The following GLT8D1 variants were observed in gnomAD, a reference collection of about 807,000 sequenced individuals.
GLT8D1 encodes the protein glycosyltransferase 8 domain-containing protein 1.
A neutral mutation model predicts 46.2 loss-of-function variants in GLT8D1; 41 were observed. The observed-to-expected ratio is 0.89, with a 90% CI of 0.69 to 1.15. The LOEUF (loss-of-function observed/expected upper bound fraction) is 1.15. Ranked by LOEUF, GLT8D1 falls within the 50% of genes most tolerant of loss-of-function variation. GLT8D1 has a pLI of 0.00. For synonymous variants in GLT8D1, 150 were observed against 154.2 expected, an observed-to-expected ratio of 0.97 and a Z score of 0.20; for missense variants, 408 against 449.3, an observed-to-expected ratio of 0.91 and a Z score of 0.83.
Position 52,700,506 on chromosome 3 carries a change from A to G in GLT8D1, c.-36-10T>C. The G allele has an allele frequency of 2.9e-6, 4 of 1,380,340 alleles. No homozygotes were observed. The East Asian group carries it at 6.9e-5, about 24-fold the overall frequency. The allele number at this position is 1,380,340 out of a possible 1,614,324, so 85.5% of individuals were successfully genotyped here. A position where few individuals can be genotyped will look rare whatever the true frequency, so the allele number is the denominator to read the frequency against. On this transcript the variant is annotated splice_polypyrimidine_tract_variant and intron_variant, in intron 1 of 9. Coordinates refer to ENST00000266014, the MANE Select transcript of GLT8D1 (RefSeq NM_018446.4). Reference sequence around the variant, plus strand: ...ATATTAGTTTTTAACCCTACAAAACAAAAACAAGCCCCCAAAGTCAGTAAG... The same window carrying G: ...ATATTAGTTTTTAACCCTACAAAACGAAAACAAGCCCCCAAAGTCAGTAAG...
At chr3:52,702,762 G>A (rs773803436) in intron 1 of GLT8D1, among the ~76,000 whole-genome samples, 3 of 151,678 alleles carry the variant, frequency 2.0e-5, no homozygotes, top group Admixed American at 6.6e-5. Flanking sequence ...ACAAATTAGG[G>A]GGAAAATACA....
intron 4 of GLT8D1, 134 bp downstream of exon 4, chr3:52,697,572 AAAAAAAATATGTCAT>A (rs1412716855): frequency 1.2e-5 from 8 of 643,190 alleles, no homozygotes; most frequent in Middle Eastern, 8.6e-4. Context: ...ATACAGTCCT[AAAAAAAATATGTCAT>A]TTGTACAGTT....
At chr3:52,699,430 G>A (rs530909460) in intron 3 of GLT8D1, among the ~76,000 whole-genome samples, 121 of 152,078 alleles carry the variant, frequency 8.0e-4, no homozygotes, top group African/African-American at 2.7e-3. Flanking sequence ...GACTACAGGC[G>A]CATACCACCA....
At chr3:52,703,893 G>A (rs781509136) in intron 1 of GLT8D1, 2 of 152,144 alleles carry the variant, frequency 1.3e-5, no homozygotes, top group Non-Finnish European at 2.9e-5. Context: ...TGGTTAGAAG[G>A]AATTCTCAAA....
chr3:52,697,981 GAT>G (rs772390286), intron 3 of GLT8D1, 47 bp from the exon 4 acceptor site: 2 of 1,147,550 alleles, frequency 1.7e-6, no homozygotes, highest in African/African-American at 1.5e-5. Context: ...ATGGGCTTTT[GAT>G]ATAGAGTCCA....
At chr3:52,702,415 G>A (rs939463671) in intron 1 of GLT8D1, among the ~76,000 whole-genome samples, 4 of 152,042 alleles carry the variant, frequency 2.6e-5, no homozygotes, top group Admixed American at 6.6e-5. Context: ...GCATGGTGAC[G>A]TGCATCTGTA....
At chr3:52,698,341 G>A (rs2097336088) in intron 3 of GLT8D1, among the ~76,000 whole-genome samples, 2 of 152,168 alleles carry the variant, frequency 1.3e-5, no homozygotes, top group African/African-American at 4.8e-5. Flanking sequence ...CCAATTGAGT[G>A]AGTCACAATC....
chr3:52,696,276 C>T lies in GLT8D1; in HGVS notation c.490G>A (p.Ala164Thr), dbSNP rs751467911. The part of the protein sequence containing the change: ...RFYLPILVPS[A>T]KKAIYMDDDV... ...TCATCCATGTATATGGCCTTCTTTGCGCTGGGAACCAGAATTGGCAAGTAG... is the reference window on the plus strand; with the variant it reads ...TCATCCATGTATATGGCCTTCTTTGTGCTGGGAACCAGAATTGGCAAGTAG... The change falls in exon 6 of 10, where the codon GCA becomes ACA. Residue 164 changes from alanine to threonine, a missense_variant. Coordinates refer to ENST00000266014, the MANE Select transcript of GLT8D1 (RefSeq NM_018446.4). 1.4e-5 allele frequency: 23 copies of T among 1,612,362 alleles called. No individual in the cohort carries two copies. The highest frequency in any genetic ancestry group is 5.3e-5 in the African/African-American group (4 of 74,848).
At chr3:52,699,553 G>A (rs1217048007) in intron 3 of GLT8D1, among the ~76,000 whole-genome samples, 1 of 152,216 alleles carries the variant, frequency 6.6e-6, no homozygotes, top group East Asian at 1.9e-4. Flanking sequence ...AAAGTGCTGA[G>A]ATGGTCTCGA....
Position 52,696,335 on chromosome 3 carries a change from T to G in GLT8D1, c.448-17A>C, listed in dbSNP as rs769006344. ...AAAGGTTAACTGGAAAAGGAAAGAA[T>G]AATTGGCATAGGATACCGCACTAGC... On this transcript the variant is annotated splice_polypyrimidine_tract_variant and intron_variant, in intron 5 of 9. Coordinates refer to ENST00000266014, the MANE Select transcript of GLT8D1 (RefSeq NM_018446.4). 3.9e-6 allele frequency: 6 copies of G among 1,543,816 alleles called. No individual in the cohort carries two copies. The African/African-American group carries it at 6.8e-5, about 17-fold the overall frequency.
In GLT8D1 at chr3:52,705,485, A is replaced by T. The variant is rs1300983173; in HGVS notation, c.-75T>A. Reference sequence around the variant, plus strand: ...CGGAAAGTGATGTGACGCTCCGGGGATCCCACCAGGCTCAGAGATACCCCT... The same window carrying T: ...CGGAAAGTGATGTGACGCTCCGGGGTTCCCACCAGGCTCAGAGATACCCCT... On this transcript the variant is annotated 5_prime_UTR_variant, in exon 1 of 10. Transcript: ENST00000266014. 6.5e-6 allele frequency: 1 copy of T among 152,790 alleles called. No individual in the cohort carries two copies. The highest frequency in any genetic ancestry group is 1.5e-5 in the Non-Finnish European group (1 of 68,464). The allele number at this position is 152,790 out of a possible 1,614,324, so 9.5% of individuals were successfully genotyped here.
intron 3 of GLT8D1, among the ~76,000 whole-genome samples, chr3:52,699,513 G>A (rs1424852025): frequency 6.6e-6 from 1 of 152,110 alleles, no homozygotes; most frequent in Non-Finnish European, 1.5e-5. Context: ...TTGTACTCCT[G>A]ACCTCGTGAT....
chr3:52,696,783 G>C (rs1222257256), intron 4 of GLT8D1, 124 bp from the exon 5 acceptor site: 1 of 629,628 alleles, frequency 1.6e-6, no homozygotes. Context: ...TCTGAGCTTT[G>C]GTTTCCTCGT....
chr3:52,696,016 G>A lies in GLT8D1; in HGVS notation c.557C>T (p.Thr186Ile). ...AGCTGCATGTCCTGGCTTCAGTGCT[G>A]TATTGTAAAGGGCAAGAATATCACC... ...VQGDILALYN[T>I]ALKPGHAAAF... Residue 186 changes from threonine (T) to isoleucine (I), a missense_variant, in exon 7 of 10, where the codon ACA becomes ATA. By Grantham distance (89) the Thr-to-Ile change is moderately conservative (BLOSUM62 -1). Coordinates refer to ENST00000266014, the MANE Select transcript of GLT8D1 (RefSeq NM_018446.4). 6.2e-7 allele frequency: 1 copy of A among 1,605,656 alleles called. No individual in the cohort carries two copies. Among genetic ancestry groups the A allele is most frequent in the South Asian group, 1.1e-5 (1 of 90,904 alleles).
Position 52,697,728 on chromosome 3 carries a change from G to A in GLT8D1, c.322C>T (p.His108Tyr). ...CACATAAGCAGAGCTCACCGGAGAT[G>A]GTCTGCTGTATTGTTGAGAGTAACA... ...YIVTLNNTAD[H>Y]LRSWLNSDSL... is the part of the protein sequence containing the mutation. The change falls in exon 4 of 10, where the codon CAT becomes TAT. Residue 108 changes from histidine (H) to tyrosine (Y), a missense_variant. His to Tyr is a moderately conservative substitution (Grantham distance 83). Coordinates refer to ENST00000266014, the MANE Select transcript of GLT8D1 (RefSeq NM_018446.4). The A allele has an allele frequency of 1.2e-6, 2 of 1,604,098 alleles. No individual in the cohort carries two copies. Among genetic ancestry groups the A allele is most frequent in the Non-Finnish European group, 1.7e-6 (2 of 1,170,842 alleles).
intron 1 of GLT8D1, chr3:52,700,773 A>G: frequency 4.3e-6 from 1 of 235,196 alleles, no homozygotes; most frequent in Non-Finnish European, 8.3e-6. Flanking sequence ...GAAACATTTA[A>G]GAATTAAGTT....
Position 52,695,426 on chromosome 3 carries a change from A to G in GLT8D1, c.807T>C (p.Asn269=), listed in dbSNP as rs562195019. The G allele has an allele frequency of 2.5e-6, 4 of 1,613,442 alleles. No individual in the cohort carries two copies. The South Asian group carries it at 3.3e-5, about 13-fold the overall frequency. Residue 269 remains asparagine (N), a synonymous_variant, in exon 8 of 10, where the codon AAT becomes AAC. Transcript: ENST00000266014. ...TAGGCCAGTTACATACTTACTCTACATTGAGTTTCATCCATTTTTCCAGTT... is the reference window on the plus strand; with the variant it reads ...TAGGCCAGTTACATACTTACTCTACGTTGAGTTTCATCCATTTTTCCAGTT... ...TNQLEKWMKL[N]VEEGLYSRTL...
In GLT8D1 at chr3:52,695,982, T is replaced by C; in HGVS notation, c.591A>G (p.Ser197=). The C allele has an allele frequency of 1.2e-6, 2 of 1,613,240 alleles. No homozygotes were observed. Among genetic ancestry groups the C allele is most frequent in the East Asian group, 2.2e-5 (1 of 44,876 alleles). The part of the protein sequence containing the change: ...ALKPGHAAAF[S]EDCDSASTKV... ...TAGTAGAGGCTGAATCACAATCTTCTGAAAATGCAGCTGCATGTCCTGGCT... is the reference window on the plus strand; with the variant it reads ...TAGTAGAGGCTGAATCACAATCTTCCGAAAATGCAGCTGCATGTCCTGGCT... Residue 197 remains serine (S), a synonymous_variant, in exon 7 of 10, where the codon TCA becomes TCG. Transcript: ENST00000266014.
intron 1 of GLT8D1, chr3:52,704,948 GCTGTCTGGCACAAAC>G (rs957511462): frequency 4.6e-5 from 7 of 152,342 alleles, no homozygotes; most frequent in African/African-American, 1.7e-4. Context: ...TCCTCGGTCT[GCTGTCTGGCACAAAC>G]AAGGTGCCGT....
Sources: gnomAD v4.1 joint callset for allele counts (sites outside exome capture counted in the v4.1 genomes callset) on GRCh38, gnomAD v4.1.1 for gene constraint, MANE v1.5 for transcripts, NCBI Gene and HGNC (gene_info 2026-07-23, HGNC 2026-07-21) for gene names.